Variants in CSMD1 observed in about 807,000 individuals in gnomAD.
CSMD1 encodes the protein CUB and sushi domain-containing protein 1.
In CSMD1, 213 loss-of-function variants were observed where a neutral mutation model predicts 417.5. The observed-to-expected ratio is 0.51, with a 90% confidence interval of 0.46 to 0.57. CSMD1 has a LOEUF of 0.57. Among genes scored for constraint, CSMD1 ranks in the 20% least tolerant of loss-of-function variants. CSMD1 has a pLI of 0.00. For synonymous variants in CSMD1, 2,862 were observed against 1,736.8 expected (o/e 1.65, Z -16.11); for missense variants, 6,923 against 4,529.7 (o/e 1.53, Z -15.17).
At chr8:3,283,766 C>T (rs1437332470) in intron 26 of CSMD1, among the ~76,000 whole-genome samples, 1 of 152,204 alleles carries the variant, frequency 6.6e-6, no homozygotes, top group African/African-American at 2.4e-5. Context: ...GACTTAAGTT[C>T]CTCCCCGTTT....
intron 2 of CSMD1, among the ~76,000 whole-genome samples, chr8:4,615,922 G>T (rs1801448968): frequency 6.6e-6 from 1 of 151,938 alleles, no homozygotes; most frequent in South Asian, 2.1e-4. Context: ...TTTGTACAGT[G>T]CCCCTTTCAA....
chr8:4,002,051 A>G (rs940362835), intron 4 of CSMD1, among the ~76,000 whole-genome samples: 3 of 152,236 alleles, frequency 2.0e-5, no homozygotes, highest in Non-Finnish European at 4.4e-5. Context: ...CACATAAAAT[A>G]TAGTAGAAGA....
chr8:3,548,800 T>A (rs970073493), intron 10 of CSMD1, among the ~76,000 whole-genome samples: 1 of 151,802 alleles, frequency 6.6e-6, no homozygotes, highest in African/African-American at 2.4e-5. Flanking sequence ...CCTTCTCAGG[T>A]TTCTAAGCCC....
chr8:3,926,103 AC>A (rs1563218293), intron 5 of CSMD1, among the ~76,000 whole-genome samples: 11,571 of 86,552 alleles, frequency 0.13, 968 homozygotes, highest in Middle Eastern at 0.3. Context: ...ACACACACAC[AC>A]ACACACACAC....
chr8:4,740,679 C>T (rs996011130), intron 1 of CSMD1, among the ~76,000 whole-genome samples: 1 of 152,158 alleles, frequency 6.6e-6, no homozygotes, highest in Non-Finnish European at 1.5e-5. Flanking sequence ...GGATGAGAAT[C>T]TACTCAAGGA....
At chr8:4,527,612 T>C (rs1585205365) in intron 2 of CSMD1, among the ~76,000 whole-genome samples, 1 of 152,128 alleles carries the variant, frequency 6.6e-6, no homozygotes, top group Non-Finnish European at 1.5e-5. Flanking sequence ...TAGGGCCCCA[T>C]ATTGCAGCCA....
At chr8:4,726,531 A>G (rs970892067) in intron 1 of CSMD1, among the ~76,000 whole-genome samples, 5 of 152,096 alleles carry the variant, frequency 3.3e-5, no homozygotes, top group Non-Finnish European at 5.9e-5. Context: ...ATGAGAATAC[A>G]AGCAGTGCTA....
At chr8:4,649,693 A>C (rs566649244) in intron 1 of CSMD1, among the ~76,000 whole-genome samples, 1 of 152,364 alleles carries the variant, frequency 6.6e-6, no homozygotes, top group Non-Finnish European at 1.5e-5. Flanking sequence ...AATTGGAAAA[A>C]AAATTAAACG....
intron 3 of CSMD1, among the ~76,000 whole-genome samples, chr8:4,341,500 C>T (rs1052154748): frequency 6.6e-6 from 1 of 152,052 alleles, no homozygotes; most frequent in East Asian, 1.9e-4. Flanking sequence ...CTCTGCATAT[C>T]ATGAATGTGG....
chr8:3,654,596 A>AT (rs1798011905), intron 7 of CSMD1, among the ~76,000 whole-genome samples: 2 of 151,952 alleles, frequency 1.3e-5, no homozygotes, highest in African/African-American at 4.8e-5. Flanking sequence ...ATACTCAAAG[A>AT]CCTCCCATAT....
chr8:3,288,161 T>A (rs1803293886), intron 25 of CSMD1, among the ~76,000 whole-genome samples: 1 of 147,472 alleles, frequency 6.8e-6, no homozygotes, highest in Non-Finnish European at 1.5e-5. Context: ...GCCCACTTGA[T>A]CATTGTGGAT....
In CSMD1 at chr8:3,454,126, G is replaced by C. The variant is rs532229409; in HGVS notation, c.1561+14586C>G. Among the ~76,000 whole-genome samples the C allele has an allele frequency of 8.5e-5, 13 of 152,212 alleles. No homozygotes were observed. In the South Asian group the frequency reaches 2.7e-3, roughly 32 times the overall value. Reference sequence around the variant, plus strand: ...TAAAGTCTGTTTTATCAGAGACTAGGATTGCAACCCCTGCCTTTTTTTGTT... The same window carrying C: ...TAAAGTCTGTTTTATCAGAGACTAGCATTGCAACCCCTGCCTTTTTTTGTT... On this transcript the variant is annotated intron_variant, in intron 12 of 69. Coordinates refer to ENST00000635120, the MANE Select transcript of CSMD1 (RefSeq NM_033225.6).
At chr8:4,253,233 G>T (rs1040175488) in intron 3 of CSMD1, among the ~76,000 whole-genome samples, 7 of 152,114 alleles carry the variant, frequency 4.6e-5, no homozygotes, top group African/African-American at 1.7e-4. Context: ...TCATGGCCCA[G>T]ATAAAATGAC....
intron 50 of CSMD1, among the ~76,000 whole-genome samples, chr8:3,044,043 G>A (rs1199307760): frequency 1.3e-5 from 2 of 152,148 alleles, no homozygotes; most frequent in African/African-American, 4.8e-5. Flanking sequence ...ATTGCAAGCT[G>A]TTTATTTCTC....
chr8:4,289,510 T>C (rs974897831), intron 3 of CSMD1, among the ~76,000 whole-genome samples: 1 of 152,152 alleles, frequency 6.6e-6, no homozygotes, highest in African/African-American at 2.4e-5. Context: ...CTGTCCACTG[T>C]CAGTATGAGC....
At chr8:4,383,611 G>A (rs544830994) in intron 3 of CSMD1, among the ~76,000 whole-genome samples, 26 of 152,120 alleles carry the variant, frequency 1.7e-4, no homozygotes, top group Non-Finnish European at 2.8e-4. Context: ...TAATAAAGAC[G>A]TGCTGATTAA....
At chr8:4,919,001 T>G (rs185167730) in intron 1 of CSMD1, among the ~76,000 whole-genome samples, 1 of 152,338 alleles carries the variant, frequency 6.6e-6, no homozygotes, top group South Asian at 2.1e-4. Flanking sequence ...CTAAAATACA[T>G]GTACCAAAAG....
At chr8:4,098,418 T>G (rs1247691717) in intron 3 of CSMD1, among the ~76,000 whole-genome samples, 2 of 151,994 alleles carry the variant, frequency 1.3e-5, no homozygotes, top group African/African-American at 4.8e-5. Flanking sequence ...TTTTTCAGGG[T>G]CATGTTACAT....
At chr8:4,269,206 G>A (rs564334684) in intron 3 of CSMD1, among the ~76,000 whole-genome samples, 1 of 152,140 alleles carries the variant, frequency 6.6e-6, no homozygotes, top group African/African-American at 2.4e-5. Flanking sequence ...ACAGACCCGA[G>A]CCACCACACC....
Sources: gnomAD v4.1 joint callset for allele counts (sites outside exome capture counted in the v4.1 genomes callset) on GRCh38, gnomAD v4.1.1 for gene constraint, MANE v1.5 for transcripts, NCBI Gene and HGNC (gene_info 2026-07-23, HGNC 2026-07-21) for gene names.